CELF1: variants seen among roughly 807,000 people sequenced by gnomAD.
CELF1 encodes the protein 50 kDa nuclear polyadenylated RNA-binding protein.
In CELF1, 10 loss-of-function variants were observed where a neutral mutation model predicts 61.8. The ratio of observed to expected loss-of-function variants is 0.16; its 90% CI spans 0.10 to 0.27. The LOEUF is 0.27. Among genes scored for constraint, CELF1 ranks in the 10% least tolerant of loss-of-function variants. The pLI, the probability that CELF1 is intolerant of heterozygous loss-of-function variation, is 1.00. For synonymous variants in CELF1, 236 were observed against 225.1 expected, an observed-to-expected ratio of 1.05 and a Z score of -0.43; for missense variants, 380 against 639.1, an observed-to-expected ratio of 0.59 and a Z score of 4.37.
At chr11:47,526,419 A>T (rs1328160323) in intron 1 of CELF1, among the ~76,000 whole-genome samples, 1 of 152,248 alleles carries the variant, frequency 6.6e-6, no homozygotes, top group Non-Finnish European at 1.5e-5. Flanking sequence ...TGAAACTCTG[A>T]GTGTGGTTTC....
intron 1 of CELF1, among the ~76,000 whole-genome samples, chr11:47,541,437 T>A (rs571608020): frequency 5.9e-5 from 9 of 152,128 alleles, no homozygotes; most frequent in Non-Finnish European, 1.3e-4. Flanking sequence ...ACACTTGTAA[T>A]CCCAGCACTT....
intron 2 of CELF1, among the ~76,000 whole-genome samples, chr11:47,559,079 A>G (rs981049794): frequency 3.5e-5 from 5 of 143,542 alleles, no homozygotes; most frequent in African/African-American, 1.3e-4. Context: ...AATATAATAT[A>G]TAATAATATA....
At chr11:47,490,267 A>G (rs1422823788) in intron 3 of CELF1, among the ~76,000 whole-genome samples, 1 of 151,782 alleles carries the variant, frequency 6.6e-6, no homozygotes, top group East Asian at 1.9e-4. Flanking sequence ...CCTTCGTCCT[A>G]TTTGTTTCTA....
At chr11:47,536,369 AATAG>A (rs577161158) in intron 1 of CELF1, among the ~76,000 whole-genome samples, 202 of 152,288 alleles carry the variant, frequency 1.3e-3, no homozygotes, top group Non-Finnish European at 1.8e-3. Flanking sequence ...GTCATAAATA[AATAG>A]ATAGATAGAT....
At chr11:47,560,001 CAAA>C (rs770878595) in intron 2 of CELF1, among the ~76,000 whole-genome samples, 5 of 75,384 alleles carry the variant, frequency 6.6e-5, no homozygotes, top group Admixed American at 1.6e-4. Context: ...GACTCTATCT[CAAA>C]AAAAAAAAAA....
At chr11:47,540,652 G>A (rs558388489) in intron 1 of CELF1, among the ~76,000 whole-genome samples, 6 of 152,218 alleles carry the variant, frequency 3.9e-5, no homozygotes, top group Middle Eastern at 3.4e-3. Flanking sequence ...TGGGGAGGCC[G>A]AGGTGGGTGG....
intron 1 of CELF1, among the ~76,000 whole-genome samples, chr11:47,533,164 AG>A (rs1450632154): frequency 6.6e-6 from 1 of 152,088 alleles, no homozygotes; most frequent in East Asian, 1.9e-4. Context: ...GCTACCTTCA[AG>A]AAATAGTACC....
intron 1 of CELF1, among the ~76,000 whole-genome samples, chr11:47,543,146 G>C (rs971202957): frequency 2.6e-5 from 4 of 152,290 alleles, no homozygotes; most frequent in Non-Finnish European, 4.4e-5. Context: ...GCTCATGCCT[G>C]TAATCCCAGC....
At chr11:47,496,946 T>C (rs928763175) in intron 3 of CELF1, among the ~76,000 whole-genome samples, 1 of 152,150 alleles carries the variant, frequency 6.6e-6, no homozygotes, top group African/African-American at 2.4e-5. Context: ...ATCTGGAGGA[T>C]GAAATAAGGC....
intron 1 of CELF1, among the ~76,000 whole-genome samples, chr11:47,503,342 A>G (rs1011333988): frequency 6.6e-6 from 1 of 152,258 alleles, no homozygotes. Flanking sequence ...TAGTTGGCAT[A>G]TGCAAATGTC....
chr11:47,474,056 G>A (rs2078910748), intron 13 of CELF1, among the ~76,000 whole-genome samples: 2 of 152,060 alleles, frequency 1.3e-5, no homozygotes, highest in East Asian at 1.9e-4. Flanking sequence ...ACAGGCAGGC[G>A]CCACCATGCC....
At chr11:47,485,478 T>C (rs1186860519) in intron 6 of CELF1, among the ~76,000 whole-genome samples, 1 of 152,216 alleles carries the variant, frequency 6.6e-6, no homozygotes, top group East Asian at 1.9e-4. Context: ...GCCAGCATTG[T>C]TTGCTCTTAC....
At chr11:47,519,552 C>T (rs2095758686) in intron 1 of CELF1, among the ~76,000 whole-genome samples, 1 of 151,998 alleles carries the variant, frequency 6.6e-6, no homozygotes. Context: ...ATGCTTTCAT[C>T]ACTCTGCAAT....
rs533837301 is a variant in CELF1 at position 47,521,253 on chromosome 11, AAAAATAAAAAAT to A, written c.-153-20333_-153-20322del. Among the ~76,000 whole-genome samples the A allele has an allele frequency of 2.2e-3, 338 of 152,356 alleles. 1 individual carries two copies. The highest frequency in any genetic ancestry group is 0.02 in the Middle Eastern group (6 of 294). ...GGCGACTGAGAGAGACTCCGTCTCC[AAAAATAAAAAAT>A]AAAATAAAAAATAAATGAACTAGTA... On this transcript the variant is annotated intron_variant, in intron 1 of 14. Coordinates refer to ENST00000687097, the MANE Select transcript of CELF1 (RefSeq NM_001376376.1).
At chr11:47,512,447 C>T (rs924928079) in intron 1 of CELF1, among the ~76,000 whole-genome samples, 6 of 127,046 alleles carry the variant, frequency 4.7e-5, no homozygotes, top group African/African-American at 1.4e-4. Context: ...GCCACCGTGC[C>T]CAGAATTTTT....
Position 47,475,442 on chromosome 11 carries a change from C to A in CELF1, c.1167G>T (p.Gln389His). 1 of 1,614,106 alleles carries A rather than the reference C, an allele frequency of 6.2e-7. No homozygotes were observed. The highest frequency in any genetic ancestry group is 8.5e-7 in the Non-Finnish European group (1 of 1,180,046). ...GTGSTMEALT[Q>H]AYSGIQQYAA... ...CATATTGCTGGATACCCGAGTAGGC[C>A]TGAGTGAGGGCCTCCATGGTGCTCC... Residue 389 changes from glutamine to histidine, a missense_variant, in exon 13 of 15, where the codon CAG becomes CAT. Gln to His is a conservative substitution (Grantham distance 24). Coordinates refer to ENST00000687097, the MANE Select transcript of CELF1 (RefSeq NM_001376376.1).
chr11:47,486,206 T>C (rs139914299), intron 6 of CELF1, among the ~76,000 whole-genome samples: 39 of 150,972 alleles, frequency 2.6e-4, no homozygotes, highest in African/African-American at 9.0e-4. Context: ...TCCTAATTTG[T>C]TCATTTTGCC....
chr11:47,545,493 G>C (rs1455387980), intron 1 of CELF1, among the ~76,000 whole-genome samples: 1 of 152,018 alleles, frequency 6.6e-6, no homozygotes, highest in Non-Finnish European at 1.5e-5. Flanking sequence ...TCATTATTAA[G>C]AGGTTAATAA....
At chr11:47,545,502 A>G (rs112365128) in intron 1 of CELF1, among the ~76,000 whole-genome samples, 2,423 of 152,262 alleles carry the variant, frequency 0.016, 51 homozygotes, top group African/African-American at 0.048. Context: ...AGAGGTTAAT[A>G]ACAAGAGTTA....
Sources: allele counts gnomAD v4.1 joint callset (sites outside exome capture counted in the v4.1 genomes callset), GRCh38; gene constraint gnomAD v4.1.1; transcripts MANE v1.5; gene names NCBI Gene and HGNC (gene_info 2026-07-23, HGNC 2026-07-21).